ARID1B: variants seen among roughly 807,000 people sequenced by gnomAD.
The protein encoded by ARID1B is AT-rich interaction domain 1B, also known as AT-rich interactive domain-containing protein 1B.
Under a neutral mutation model 212.3 loss-of-function variants are expected in ARID1B, and 30 were observed. The observed-to-expected ratio is 0.14, with a 90% CI of 0.11 to 0.19. The LOEUF (loss-of-function observed/expected upper bound fraction) is 0.19. Among genes scored for constraint, ARID1B ranks in the 10% least tolerant of loss-of-function variants. The probability of loss-of-function intolerance (pLI) is 1.00; values close to 1 mark genes in which losing one functional copy is unlikely to be tolerated. For missense variants in ARID1B, 2,891 were observed against 3,204.0 expected, an observed-to-expected ratio of 0.90 and a Z score of 2.36; for synonymous variants, 1,402 against 1,301.7, an observed-to-expected ratio of 1.08 and a Z score of -1.66.
chr6:157,142,859 C>T (rs914489380), intron 7 of ARID1B, among the ~76,000 whole-genome samples: 1 of 152,022 alleles, frequency 6.6e-6, no homozygotes, highest in Non-Finnish European at 1.5e-5. Context: ...TAGGGAATGA[C>T]GCAGAACCTT....
intron 1 of ARID1B, among the ~76,000 whole-genome samples, chr6:156,810,891 TA>T (rs942264058): frequency 1.3e-5 from 2 of 152,164 alleles, no homozygotes; most frequent in East Asian, 1.9e-4. Context: ...TTGAGTGGCT[TA>T]AAAGAACACA....
chr6:157,105,097 T>C (rs1381571717), intron 5 of ARID1B, among the ~76,000 whole-genome samples: 1 of 152,178 alleles, frequency 6.6e-6, no homozygotes, highest in Non-Finnish European at 1.5e-5. Context: ...GGGCTAAGAA[T>C]GGATTTTTAA....
intron 6 of ARID1B, among the ~76,000 whole-genome samples, chr6:157,130,166 C>T (rs1251820914): frequency 6.7e-6 from 1 of 149,194 alleles, no homozygotes; most frequent in Non-Finnish European, 1.5e-5. Flanking sequence ...AAGACTCCAT[C>T]TCAAAAAAAA....
intron 2 of ARID1B, among the ~76,000 whole-genome samples, chr6:156,866,360 C>A (rs1398622412): frequency 6.6e-6 from 1 of 152,176 alleles, no homozygotes; most frequent in East Asian, 1.9e-4. Context: ...ACACTATACT[C>A]GGAGGTGTCT....
chr6:156,940,613 C>T (rs572032550), intron 4 of ARID1B: 2 of 152,292 alleles, frequency 1.3e-5, no homozygotes, highest in East Asian at 3.9e-4. Flanking sequence ...GAGCATGCAG[C>T]GTTCTGCCTT....
In ARID1B at chr6:156,983,621, G is replaced by A. The variant is rs568896917; in HGVS notation, c.2247+48045G>A. Among the ~76,000 whole-genome samples, 10 of 152,206 alleles carry A rather than the reference G, an allele frequency of 6.6e-5. No homozygotes were observed. In the South Asian group the frequency reaches 1.9e-3, roughly 28 times the overall value. On this transcript the variant is annotated intron_variant, in intron 4 of 19. Transcript: ENST00000636930. ...ACATGGTGGGTGAAGTCTAAGCCTG[G>A]TTGCTGACATTACGGGGCTGGGCTG...
intron 8 of ARID1B, among the ~76,000 whole-genome samples, chr6:157,165,025 C>T (rs972531405): frequency 1.6e-4 from 24 of 152,194 alleles, no homozygotes; most frequent in African/African-American, 4.8e-4. Flanking sequence ...CCTAAATGCT[C>T]AATTGTCCCT....
chr6:156,903,272 A>T lies in ARID1B; in HGVS notation c.2136+1747A>T, dbSNP rs571651020. On this transcript the variant is annotated intron_variant, in intron 3 of 19. Coordinates refer to ENST00000636930, the MANE Select transcript of ARID1B (RefSeq NM_001374828.1). ...AATGTGCTTAGTTTCAGTCTATCTT[A>T]TGCTTTGATTATTGCTATCATTTTA... Among the ~76,000 whole-genome samples the T allele has an allele frequency of 2.0e-5, 3 of 152,340 alleles. No homozygotes were observed. In the East Asian group the frequency reaches 5.8e-4, roughly 29 times the overall value.
intron 2 of ARID1B, among the ~76,000 whole-genome samples, chr6:156,878,603 G>A (rs940851956): frequency 6.6e-6 from 1 of 152,200 alleles, no homozygotes; most frequent in East Asian, 1.9e-4. Flanking sequence ...TAATCTAGCT[G>A]CCTGTAACTC....
At chr6:156,862,306 C>T (rs763034289) in intron 2 of ARID1B, among the ~76,000 whole-genome samples, 18 of 152,174 alleles carry the variant, frequency 1.2e-4, no homozygotes, top group African/African-American at 3.1e-4. Flanking sequence ...GTTGGCCTGG[C>T]GCGGGCCCTT....
intron 4 of ARID1B, among the ~76,000 whole-genome samples, chr6:156,950,170 A>T (rs539828101): frequency 6.6e-6 from 1 of 152,358 alleles, no homozygotes; most frequent in South Asian, 2.1e-4. Context: ...TCATGGTATT[A>T]CTAGTGAGTA....
intron 1 of ARID1B, among the ~76,000 whole-genome samples, chr6:156,783,346 CATTA>C (rs1779412364): frequency 1.3e-5 from 2 of 149,480 alleles, no homozygotes; most frequent in African/African-American, 2.5e-5. Context: ...AAAAAAAAAA[CATTA>C]ATTCTGATTT....
At position 156,817,583 on chromosome 6, in the gene ARID1B, C is replaced by T. The variant is rs1004850864; in HGVS notation, c.1792-11644C>T. Among the ~76,000 whole-genome samples the T allele has an allele frequency of 5.3e-5, 8 of 151,900 alleles. No individual in the cohort carries two copies. In the East Asian group the frequency reaches 9.7e-4, roughly 18 times the overall value. On this transcript the variant is annotated intron_variant, in intron 1 of 19. Coordinates refer to ENST00000636930, the MANE Select transcript of ARID1B (RefSeq NM_001374828.1). ...AGTTTGAGGCTGTGTGAGCTGATTGCACCACTGCACTCCAGCCTGTGTGAC... is the reference window on the plus strand; with the variant it reads ...AGTTTGAGGCTGTGTGAGCTGATTGTACCACTGCACTCCAGCCTGTGTGAC...
chr6:156,867,731 A>G (rs1167765999), intron 2 of ARID1B, among the ~76,000 whole-genome samples: 2 of 152,218 alleles, frequency 1.3e-5, no homozygotes, highest in African/African-American at 4.8e-5. Context: ...ACTTTTAAAA[A>G]ATGTCATTTT....
intron 2 of ARID1B, among the ~76,000 whole-genome samples, chr6:156,872,808 T>C (rs57633789): frequency 0.048 from 7,372 of 152,166 alleles, 627 homozygotes; most frequent in African/African-American, 0.16. Flanking sequence ...TGGATGTTGT[T>C]CGTGAGCCTG....
chr6:156,840,039 C>G (rs1211063923), intron 2 of ARID1B, among the ~76,000 whole-genome samples: 1 of 152,168 alleles, frequency 6.6e-6, no homozygotes, highest in Admixed American at 6.5e-5. Context: ...GAATTGTTCT[C>G]GACAGTTCCA....
intron 4 of ARID1B, among the ~76,000 whole-genome samples, chr6:156,994,906 C>A (rs1372772254): frequency 6.6e-6 from 1 of 152,242 alleles, no homozygotes; most frequent in Admixed American, 6.5e-5. Context: ...CCTGCCAGAA[C>A]ATGACGGTTG....
At chr6:157,020,608 A>G (rs768958278) in intron 4 of ARID1B, among the ~76,000 whole-genome samples, 2 of 152,132 alleles carry the variant, frequency 1.3e-5, no homozygotes, top group Non-Finnish European at 2.9e-5. Flanking sequence ...CACATAAACA[A>G]CAGCCTAGCT....
At chr6:157,013,845 C>G (rs1779754711) in intron 4 of ARID1B, among the ~76,000 whole-genome samples, 1 of 152,206 alleles carries the variant, frequency 6.6e-6, no homozygotes, top group South Asian at 2.1e-4. Context: ...GAGTCAGCCC[C>G]CTGGGTCTGT....
Sources: gnomAD v4.1 joint callset for allele counts (sites outside exome capture counted in the v4.1 genomes callset) on GRCh38, gnomAD v4.1.1 for gene constraint, MANE v1.5 for transcripts, NCBI Gene and HGNC (gene_info 2026-07-23, HGNC 2026-07-21) for gene names.